Variants in RARB observed in about 807,000 individuals in gnomAD.
The protein encoded by RARB is retinoic acid receptor beta.
Under a neutral mutation model 51.9 loss-of-function variants are expected in RARB, and 17 were observed. The ratio of observed to expected loss-of-function variants is 0.33; its 90% CI spans 0.22 to 0.49. The LOEUF (loss-of-function observed/expected upper bound fraction) is 0.49. Among genes scored for constraint, RARB ranks in the 20% least tolerant of loss-of-function variants. The pLI, the probability that RARB is intolerant of heterozygous loss-of-function variation, is 0.99. For synonymous variants in RARB, 215 were observed against 195.4 expected (o/e 1.10, Z -0.84); for missense variants, 369 against 550.8 (o/e 0.67, Z 3.30).
At chr3:25,472,470 T>C (rs1329080529) in intron 2 of RARB, among the ~76,000 whole-genome samples, 1 of 152,200 alleles carries the variant, frequency 6.6e-6, no homozygotes, top group Non-Finnish European at 1.5e-5. Flanking sequence ...AAAGAAATTA[T>C]GGATTTGGTG....
At chr3:24,984,214 C>T (rs1217446736) in intron 2 of RARB, among the ~76,000 whole-genome samples, 2 of 152,092 alleles carry the variant, frequency 1.3e-5, no homozygotes. Context: ...GCAAAAGTAA[C>T]CTAAATGGCA....
At chr3:25,136,553 C>T (rs987489533) in intron 4 of RARB, among the ~76,000 whole-genome samples, 2 of 152,006 alleles carry the variant, frequency 1.3e-5, no homozygotes, top group Non-Finnish European at 2.9e-5. Context: ...AGATGAATAA[C>T]TTCATGAAAC....
intron 2 of RARB, among the ~76,000 whole-genome samples, chr3:24,980,727 A>G (rs1389908612): frequency 1.3e-5 from 2 of 152,084 alleles, no homozygotes; most frequent in African/African-American, 4.8e-5. Context: ...TTTAGCTCAG[A>G]TAAGTTTGTT....
intron 5 of RARB, among the ~76,000 whole-genome samples, chr3:25,212,832 A>G (rs1273263602): frequency 2.0e-5 from 3 of 152,214 alleles, no homozygotes; most frequent in Non-Finnish European, 2.9e-5. Flanking sequence ...ATGAACTAAA[A>G]GACCAAAGCA....
intron 2 of RARB, among the ~76,000 whole-genome samples, chr3:24,923,934 A>G (rs948420240): frequency 6.6e-6 from 1 of 152,188 alleles, no homozygotes. Flanking sequence ...ATATTTCAAC[A>G]GAATGAAATC....
intron 5 of RARB, among the ~76,000 whole-genome samples, chr3:25,195,885 G>T (rs904724153): frequency 6.6e-6 from 1 of 151,884 alleles, no homozygotes; most frequent in Non-Finnish European, 1.5e-5. Flanking sequence ...TATGTAATCT[G>T]TTAATTTCCT....
At chr3:25,333,752 G>A (rs910944633) in intron 5 of RARB, among the ~76,000 whole-genome samples, 1 of 152,138 alleles carries the variant, frequency 6.6e-6, no homozygotes, top group East Asian at 1.9e-4. Flanking sequence ...CCTACAGAAT[G>A]GGAGTAAATT....
At chr3:25,551,748 A>C (rs575594768) in intron 3 of RARB, among the ~76,000 whole-genome samples, 2 of 152,300 alleles carry the variant, frequency 1.3e-5, no homozygotes, top group South Asian at 4.1e-4. Context: ...GGACACTCCC[A>C]GAGATACAGA....
chr3:25,453,370 C>T (rs1709282411), intron 1 of RARB, among the ~76,000 whole-genome samples: 1 of 151,784 alleles, frequency 6.6e-6, no homozygotes, highest in African/African-American at 2.4e-5. Flanking sequence ...GCCTCAGCCT[C>T]CCGAGTAGCT....
chr3:25,511,944 G>A (rs1697914870), intron 3 of RARB, among the ~76,000 whole-genome samples: 1 of 152,202 alleles, frequency 6.6e-6, no homozygotes, highest in African/African-American at 2.4e-5. Context: ...GATGCAGTAT[G>A]CTGCTTAAAG....
intron 4 of RARB, among the ~76,000 whole-genome samples, chr3:25,139,407 T>C (rs1700077426): frequency 6.6e-6 from 1 of 152,210 alleles, no homozygotes; most frequent in African/African-American, 2.4e-5. Flanking sequence ...GCCTTATTGC[T>C]GATACGGAGA....
intron 5 of RARB, among the ~76,000 whole-genome samples, chr3:25,304,521 T>A (rs1704112891): frequency 6.6e-6 from 1 of 152,240 alleles, no homozygotes; most frequent in African/African-American, 2.4e-5. Flanking sequence ...CAATTCTAGT[T>A]GGTGATCCCA....
At chr3:25,064,345 T>G (rs896849584) in intron 3 of RARB, among the ~76,000 whole-genome samples, 7 of 152,186 alleles carry the variant, frequency 4.6e-5, no homozygotes, top group African/African-American at 1.7e-4. Flanking sequence ...TTTATTCTTA[T>G]GCTGATTTAT....
chr3:25,298,182 AT>A (rs1703961234), intron 5 of RARB, among the ~76,000 whole-genome samples: 2 of 132,984 alleles, frequency 1.5e-5, no homozygotes, highest in Admixed American at 1.8e-4. Flanking sequence ...TTGCTACCAA[AT>A]CTTTTTTTTT....
At chr3:25,036,022 T>C (rs1312554577) in intron 2 of RARB, among the ~76,000 whole-genome samples, 1 of 152,238 alleles carries the variant, frequency 6.6e-6, no homozygotes, top group African/African-American at 2.4e-5. Context: ...TTTTTAAATA[T>C]TGGAAATTTC....
chr3:25,240,046 G>GT (rs369953954), intron 5 of RARB, among the ~76,000 whole-genome samples: 5,850 of 139,122 alleles, frequency 0.042, 246 homozygotes, highest in African/African-American at 0.11. Context: ...GTGTTTGTTT[G>GT]TTTTTTTTTT....
At chr3:25,525,361 G>T (rs910373515) in intron 3 of RARB, among the ~76,000 whole-genome samples, 25 of 152,036 alleles carry the variant, frequency 1.6e-4, no homozygotes, top group Admixed American at 1.2e-3. Flanking sequence ...GTGGAGATAG[G>T]ATGAAGGTAG....
At chr3:25,073,684 A>G (rs58671054) in intron 3 of RARB, among the ~76,000 whole-genome samples, 1,577 of 152,326 alleles carry the variant, frequency 0.01, 28 homozygotes, top group African/African-American at 0.036. Context: ...ATGTGCGTGT[A>G]ATTCCTGTAA....
At chr3:25,052,029 C>T (rs1303702448) in intron 2 of RARB, among the ~76,000 whole-genome samples, 1 of 152,124 alleles carries the variant, frequency 6.6e-6, no homozygotes, top group South Asian at 2.1e-4. Flanking sequence ...CTCAGGGACC[C>T]AGGCTAATGG....
Sources: gnomAD v4.1 joint callset for allele counts (sites outside exome capture counted in the v4.1 genomes callset) on GRCh38, gnomAD v4.1.1 for gene constraint, MANE v1.5 for transcripts, NCBI Gene and HGNC (gene_info 2026-07-23, HGNC 2026-07-21) for gene names.